The following ADAMDEC1 variants were observed in gnomAD, a reference collection of about 807,000 sequenced individuals.
The protein encoded by ADAMDEC1 is ADAM like decysin 1.
In ADAMDEC1, 62 loss-of-function variants were observed where a neutral mutation model predicts 60.4. The ratio of observed to expected loss-of-function variants is 1.03; its 90% CI spans 0.84 to 1.27. The LOEUF is 1.27. Among genes scored for constraint, ADAMDEC1 ranks in the 50% most tolerant of loss-of-function variants. ADAMDEC1 has a pLI of 0.00. For synonymous variants in ADAMDEC1, 210 were observed against 195.1 expected (o/e 1.08, Z -0.64); for missense variants, 595 against 565.0 (o/e 1.05, Z -0.54).
At position 24,405,732 on chromosome 8, in the gene ADAMDEC1, C is replaced by G. The variant is rs1817873039; in HGVS notation, c.*434C>G. ...AATAATACCACTTGATGGGTGAAGGCTTTGGCAATAGAAAGAAGAATAGAA... is the reference window on the plus strand; with the variant it reads ...AATAATACCACTTGATGGGTGAAGGGTTTGGCAATAGAAAGAAGAATAGAA... On this transcript the variant is annotated 3_prime_UTR_variant, in exon 14 of 14. Transcript: ENST00000256412. The G allele has an allele frequency of 6.4e-6, 1 of 156,450 alleles. No individual in the cohort carries two copies. The highest frequency in any genetic ancestry group is 1.4e-5 in the Non-Finnish European group (1 of 71,206). 9.7% of individuals were successfully genotyped at this position (156,450 alleles called of 1,614,324 possible).
chr8:24,392,282 C>T lies in ADAMDEC1; in HGVS notation c.109C>T (p.Pro37Ser). 1 of 1,610,416 alleles carries T rather than the reference C, an allele frequency of 6.2e-7. No individual in the cohort carries two copies. The highest frequency in any genetic ancestry group is 2.2e-5 in the East Asian group (1 of 44,736). ...TCTAGCAATAGCCATAAAGCAAACA[C>T]CTGAATTAACGCTCCATGAAATAGT... ...QTQAIAIKQT[P>S]ELTLHEIVCP... is the part of the protein sequence containing the mutation. Residue 37 changes from proline (P) to serine (S), a missense_variant, in exon 2 of 14, where the codon CCT becomes TCT. By Grantham distance (74) the Pro-to-Ser change is moderately conservative (BLOSUM62 -1). Coordinates refer to ENST00000256412, the MANE Select transcript of ADAMDEC1 (RefSeq NM_014479.3).
chr8:24,394,156 C>A lies in ADAMDEC1; in HGVS notation c.363+9C>A, dbSNP rs372867862. ...CGAAACCTGAGAACATGGTAGGGTCCGAATACTTTGTGGGTCTCTTTTGAG... is the reference window on the plus strand; with the variant it reads ...CGAAACCTGAGAACATGGTAGGGTCAGAATACTTTGTGGGTCTCTTTTGAG... On this transcript the variant is annotated intron_variant, in intron 4 of 13. Transcript: ENST00000256412. 22 of 1,598,972 alleles carry A rather than the reference C, an allele frequency of 1.4e-5. No individual in the cohort carries two copies. The highest frequency in any genetic ancestry group is 6.7e-5 in the Admixed American group (4 of 59,926).
At chr8:24,391,474 T>C (rs1817443619) in intron 1 of ADAMDEC1, among the ~76,000 whole-genome samples, 1 of 152,232 alleles carries the variant, frequency 6.6e-6, no homozygotes, top group African/African-American at 2.4e-5. Context: ...GTTATTTAGC[T>C]AGGGCATAAG....
At position 24,399,375 on chromosome 8, in the gene ADAMDEC1, C is replaced by T. The variant is rs1307835656; in HGVS notation, c.930-18C>T. On this transcript the variant is annotated intron_variant, in intron 9 of 13. Transcript: ENST00000256412. ...AAGACTCAGATTGTGACAGTAGTAT[C>T]TGTAACTTTTCATACAGCGGGATTA... 1 of 1,608,940 alleles carries T rather than the reference C, an allele frequency of 6.2e-7. No homozygotes were observed. Among genetic ancestry groups the T allele is most frequent in the East Asian group, 2.2e-5 (1 of 44,796 alleles).
At chr8:24,386,810 G>A (rs984203720) in intron 1 of ADAMDEC1, among the ~76,000 whole-genome samples, 3 of 152,080 alleles carry the variant, frequency 2.0e-5, no homozygotes, top group South Asian at 4.1e-4. Flanking sequence ...GGTCTGTCCC[G>A]CAGACCCTGG....
chr8:24,392,438 G>A lies in ADAMDEC1; in HGVS notation c.207+58G>A, dbSNP rs542480314. ...CAATCATCCAAAGAGACAATAAAAA[G>A]CCTTTTCACTAACAGAAGTGATGTT... On this transcript the variant is annotated intron_variant, in intron 2 of 13. Coordinates refer to ENST00000256412, the MANE Select transcript of ADAMDEC1 (RefSeq NM_014479.3). 1.8e-4 allele frequency: 233 copies of A among 1,289,496 alleles called. 2 individuals are homozygous for A. The Middle Eastern group carries it at 1.9e-3, about 11-fold the overall frequency. 79.9% of individuals were successfully genotyped at this position (1,289,496 alleles called of 1,614,324 possible).
In ADAMDEC1 at chr8:24,399,009, A is replaced by T; in HGVS notation, c.898A>T (p.Lys300Ter). Residue 300 changes from lysine (K) to a stop codon, truncating the protein, a stop_gained, in exon 9 of 14, where the codon AAA becomes TAA. Transcript: ENST00000256412. LOFTEE classifies it high-confidence loss of function. ...FLRWHSSNLG[K>*]KIHDHAQLLS... ...GAGATGGCACAGTTCTAACCTGGGG[A>T]AAAAGATCCACGACCATGCTCAGCT... The T allele has an allele frequency of 6.2e-7, 1 of 1,613,068 alleles. No individual in the cohort carries two copies. The highest frequency in any genetic ancestry group is 8.5e-7 in the Non-Finnish European group (1 of 1,179,510).
chr8:24,398,731 G>T lies in ADAMDEC1; in HGVS notation c.763-143G>T, dbSNP rs1042826649. 3.9e-6 allele frequency: 4 copies of T among 1,019,874 alleles called. No individual in the cohort carries two copies. The Admixed American group carries it at 8.5e-5, about 22-fold the overall frequency. The allele number at this position is 1,019,874 out of a possible 1,614,324, so 63.2% of individuals were successfully genotyped here. A position where few individuals can be genotyped will look rare whatever the true frequency, so the allele number is the denominator to read the frequency against. On this transcript the variant is annotated intron_variant, in intron 8 of 13. Coordinates refer to ENST00000256412, the MANE Select transcript of ADAMDEC1 (RefSeq NM_014479.3). Reference sequence around the variant, plus strand: ...GTGAAATCACATGCATGGCAACAAAGACAACTTTTAAAATTTTTACTTTCA... The same window carrying T: ...GTGAAATCACATGCATGGCAACAAATACAACTTTTAAAATTTTTACTTTCA...
At chr8:24,394,734 C>T (rs1298083967) in intron 4 of ADAMDEC1, among the ~76,000 whole-genome samples, 1 of 151,496 alleles carries the variant, frequency 6.6e-6, no homozygotes, top group Admixed American at 6.6e-5. Context: ...ACCTGCATTT[C>T]TCTATATAAA....
Position 24,392,353 on chromosome 8 carries a change from C to T in ADAMDEC1, c.180C>T (p.Asn60=). The T allele has an allele frequency of 1.2e-6, 2 of 1,611,014 alleles. No homozygotes were observed. The highest frequency in any genetic ancestry group is 1.7e-6 in the Non-Finnish European group (2 of 1,178,396). Residue 60 remains asparagine, a synonymous_variant, in exon 2 of 14, where the codon AAC becomes AAT. Coordinates refer to ENST00000256412, the MANE Select transcript of ADAMDEC1 (RefSeq NM_014479.3). ...TTTTACACAAAAGAGAGATCAAGAA[C>T]AACCAGACAGAAAAGCATGGCAAAG... ...LHILHKREIK[N]NQTEKHGKEE...
In ADAMDEC1 at chr8:24,397,669, T is replaced by A. The variant is rs780407661; in HGVS notation, c.628-14T>A. The stretch of plus-strand genomic sequence containing the variant: ...AAGATAATGATTAACAATGTTCTTT[T>A]ATTCTTTGTAAAGAAAGAAGACTTT... On this transcript the variant is annotated splice_polypyrimidine_tract_variant and intron_variant, in intron 6 of 13. Coordinates refer to ENST00000256412, the MANE Select transcript of ADAMDEC1 (RefSeq NM_014479.3). 3.7e-6 allele frequency: 6 copies of A among 1,609,258 alleles called. No individual in the cohort carries two copies. The East Asian group carries it at 8.9e-5, about 24-fold the overall frequency.
chr8:24,398,603 T>C (rs2129361116), intron 8 of ADAMDEC1, 52 bp downstream of exon 8: 3 of 1,289,292 alleles, frequency 2.3e-6, no homozygotes, highest in South Asian at 1.3e-5. Context: ...AAGTTCTGCC[T>C]GGAACTTCCC....
intron 12 of ADAMDEC1, among the ~76,000 whole-genome samples, chr8:24,403,527 T>C (rs1274009201): frequency 6.6e-6 from 1 of 152,110 alleles, no homozygotes; most frequent in East Asian, 1.9e-4. Flanking sequence ...CATTGAGATT[T>C]GATGGAAATG....
At chr8:24,398,801 T>G in intron 8 of ADAMDEC1, 73 bp from the exon 9 acceptor site, 1 of 1,450,328 alleles carries the variant, frequency 6.9e-7, no homozygotes, top group Non-Finnish European at 9.5e-7. Flanking sequence ...ATCTATTACT[T>G]GTGGTCAACA....
chr8:24,388,123 A>G (rs1817342448), intron 1 of ADAMDEC1: 1 of 152,568 alleles, frequency 6.6e-6, no homozygotes, highest in African/African-American at 2.4e-5. Context: ...AAATTCCCCT[A>G]CACTCCCTGG....
chr8:24,403,949 C>A, intron 12 of ADAMDEC1, 54 bp from the exon 13 acceptor site: 1 of 1,457,882 alleles, frequency 6.9e-7, no homozygotes. Flanking sequence ...ATCACCTAGT[C>A]TATGGGAAGA....
intron 12 of ADAMDEC1, 73 bp downstream of exon 12, chr8:24,402,165 A>G: frequency 1.5e-6 from 2 of 1,357,170 alleles, no homozygotes; most frequent in Middle Eastern, 1.9e-4. Flanking sequence ...TTCTTTTGGA[A>G]ATTCTTTCTA....
chr8:24,400,142 A>T (rs1369157650), intron 10 of ADAMDEC1, 28 bp from the exon 11 acceptor site: 22 of 1,486,276 alleles, frequency 1.5e-5, no homozygotes, highest in Non-Finnish European at 1.9e-5. Flanking sequence ...ATAAAAAAAG[A>T]ATAAATAAAT....
At chr8:24,400,343 TC>T in intron 11 of ADAMDEC1, 43 bp downstream of exon 11, 1 of 1,555,402 alleles carries the variant, frequency 6.4e-7, no homozygotes, top group Non-Finnish European at 8.6e-7. Context: ...ATTTTCCAAA[TC>T]TTTTTTTTTT....
Sources: allele counts gnomAD v4.1 joint callset (sites outside exome capture counted in the v4.1 genomes callset), GRCh38; gene constraint gnomAD v4.1.1; transcripts MANE v1.5; gene names NCBI Gene and HGNC (gene_info 2026-07-23, HGNC 2026-07-21).